The following NOMO1 variants were observed in gnomAD, a reference collection of about 807,000 sequenced individuals.
The protein encoded by NOMO1 is nodal modulator 3.
Under a neutral mutation model 133.8 loss-of-function variants are expected in NOMO1, and 40 were observed. The ratio of observed to expected loss-of-function variants is 0.30; its 90% CI spans 0.23 to 0.39. The LOEUF is 0.39. Ranked by LOEUF, NOMO1 falls within the 10% of genes least tolerant of loss-of-function variation. The probability of loss-of-function intolerance (pLI) is 1.00; values close to 1 mark genes in which losing one functional copy is unlikely to be tolerated. For synonymous variants in NOMO1, 236 were observed against 570.5 expected (o/e 0.41, Z 8.36); for missense variants, 462 against 1,419.9 (o/e 0.33, Z 10.84).
intron 20 of NOMO1, among the ~76,000 whole-genome samples, chr16:14,876,143 C>T (rs1964156858): frequency 9.9e-6 from 1 of 101,356 alleles, no homozygotes; most frequent in African/African-American, 3.0e-5. Flanking sequence ...TTTTGATTCT[C>T]TTGCTAAAGT....
intron 11 of NOMO1, among the ~76,000 whole-genome samples, chr16:14,860,558 G>A (rs961077292): frequency 2.4e-4 from 36 of 152,010 alleles, no homozygotes; most frequent in African/African-American, 8.5e-4. Flanking sequence ...GGGCCCAGGC[G>A]GCTGGCAGGC....
Position 14,876,482 on chromosome 16 carries a change from T to C in NOMO1, c.2480T>C (p.Leu827Pro), listed in dbSNP as rs763970273. 4 of 1,611,404 alleles carry C rather than the reference T, an allele frequency of 2.5e-6. No homozygotes were observed. The highest frequency in any genetic ancestry group is 3.4e-6 in the Non-Finnish European group (4 of 1,179,802). Residue 827 changes from leucine (L) to proline (P), a missense_variant, in exon 21 of 31, where the codon CTG becomes CCG. Leu to Pro is a moderately conservative substitution (Grantham distance 98). Coordinates refer to ENST00000287667, the MANE Select transcript of NOMO1 (RefSeq NM_014287.4). ...AGTGAAAAGGGGGCAAGTTCACCGC[T>C]GATCACAGTCTTTACTGATGACAAA... Reference protein sequence around the residue: ...VISEKGASSPLITVFTDDKGA... With the variant: ...VISEKGASSPPITVFTDDKGA...
At chr16:14,859,859 G>A (rs1315806532) in intron 11 of NOMO1, among the ~76,000 whole-genome samples, 2 of 152,070 alleles carry the variant, frequency 1.3e-5, no homozygotes, top group African/African-American at 4.8e-5. Flanking sequence ...AAGGCTCTCT[G>A]GGTTGCAGAG....
chr16:14,862,999 T>C lies in NOMO1; in HGVS notation c.1221-14T>C. On this transcript the variant is annotated splice_polypyrimidine_tract_variant and intron_variant, in intron 11 of 30. Transcript: ENST00000287667. ...TGAGTCCTCGTGCTGGAATGAATGG[T>C]CTTCTCTTTGCAGGTTCAGTGTCTG... is the stretch of plus-strand genomic sequence containing the variant. The C allele has an allele frequency of 6.2e-7, 1 of 1,609,998 alleles. No homozygotes were observed. The highest frequency in any genetic ancestry group is 1.1e-5 in the South Asian group (1 of 90,620).
intron 1 of NOMO1, among the ~76,000 whole-genome samples, chr16:14,837,320 T>G (rs907921314): frequency 6.6e-6 from 1 of 152,106 alleles, no homozygotes; most frequent in African/African-American, 2.4e-5. Flanking sequence ...CAAACTGATT[T>G]TTCTTTGAAT....
chr16:14,868,707 T>C, intron 16 of NOMO1, 72 bp downstream of exon 16: 1 of 956,356 alleles, frequency 1.0e-6, no homozygotes, highest in Admixed American at 1.9e-5. Context: ...TTTGAAGGCA[T>C]TTTTTTCTAC....
chr16:14,851,795 G>T (rs1229948816), intron 6 of NOMO1, among the ~76,000 whole-genome samples: 4 of 61,256 alleles, frequency 6.5e-5, no homozygotes, highest in African/African-American at 7.7e-5. Flanking sequence ...CTAATCTTCA[G>T]TTAACACTAT....
intron 11 of NOMO1, among the ~76,000 whole-genome samples, chr16:14,860,698 A>G (rs905461452): frequency 6.6e-6 from 1 of 151,948 alleles, no homozygotes; most frequent in African/African-American, 2.4e-5. Flanking sequence ...ACGGAGATGG[A>G]GGAAATATAT....
intron 3 of NOMO1, among the ~76,000 whole-genome samples, chr16:14,843,435 C>G (rs1963634874): frequency 6.6e-6 from 1 of 151,708 alleles, no homozygotes; most frequent in African/African-American, 2.4e-5. Flanking sequence ...TAGGTGTTTG[C>G]AAACATCCAA....
chr16:14,886,829 C>G lies in NOMO1; in HGVS notation c.3291C>G (p.Phe1097Leu), dbSNP rs142976404. The change falls in exon 28 of 31, where the codon TTC (phenylalanine) becomes TTG (leucine). Residue 1097 changes from phenylalanine to leucine, a missense_variant. Coordinates refer to ENST00000287667, the MANE Select transcript of NOMO1 (RefSeq NM_014287.4). Reference protein sequence around the residue: ...IQTVSLGQSLFFHFPPLLRDG... With the variant: ...IQTVSLGQSLLFHFPPLLRDG... ...CAGTTTCCCTTGGCCAGTCCCTGTT[C>G]TTCCATTTCCCCCCACTGCTCAGAG... 46 of 1,611,778 alleles carry G rather than the reference C, an allele frequency of 2.9e-5. No homozygotes were observed. In the African/African-American group the frequency reaches 5.6e-4, roughly 20 times the overall value.
At chr16:14,864,552 G>T (rs374042735) in intron 12 of NOMO1, 33 bp from the exon 13 acceptor site, 13 of 1,612,976 alleles carry the variant, frequency 8.1e-6, no homozygotes, top group Non-Finnish European at 1.1e-5. Context: ...CTCCCCGAAT[G>T]CAGCCTCTAA....
At chr16:14,850,775 G>A (rs909580210) in intron 6 of NOMO1, among the ~76,000 whole-genome samples, 29 of 151,796 alleles carry the variant, frequency 1.9e-4, no homozygotes, top group African/African-American at 6.1e-4. Context: ...CTCTTCTGCA[G>A]CAACATTTAA....
chr16:14,860,166 A>C (rs569340635), intron 11 of NOMO1, among the ~76,000 whole-genome samples: 12 of 152,032 alleles, frequency 7.9e-5, no homozygotes, highest in African/African-American at 2.7e-4. Flanking sequence ...TCAGGAGTTC[A>C]AGCCCAGCCT....
chr16:14,871,403 G>A lies in NOMO1; in HGVS notation c.1895-218G>A, dbSNP rs534731219. 9.9e-5 allele frequency among the ~76,000 whole-genome samples: 15 copies of A among 152,156 alleles called. No individual in the cohort carries two copies. The South Asian group carries it at 1.5e-3, about 15-fold the overall frequency. On this transcript the variant is annotated intron_variant, in intron 16 of 30. Transcript: ENST00000287667. ...ACCTTATGGAAAATGAAAATCATGC[G>A]CCTGTGATCGCGCCATTGCATGGAT...
chr16:14,853,728 C>G (rs1304066823), intron 8 of NOMO1, 124 bp downstream of exon 8: 1 of 949,684 alleles, frequency 1.1e-6, no homozygotes, highest in East Asian at 2.4e-5. Context: ...CGCTGTTAAG[C>G]AGTAACTTAC....
intron 29 of NOMO1, among the ~76,000 whole-genome samples, chr16:14,892,823 A>C (rs1964425812): frequency 6.7e-6 from 1 of 148,382 alleles, no homozygotes; most frequent in African/African-American, 2.5e-5. Context: ...CAGAACCAGG[A>C]CTCAAGTGAG....
chr16:14,842,931 A>C (rs1422913906), intron 3 of NOMO1, among the ~76,000 whole-genome samples: 4 of 150,652 alleles, frequency 2.7e-5, no homozygotes, highest in African/African-American at 4.9e-5. Context: ...ATTTTATTTT[A>C]TTTTTTCTTT....
intron 24 of NOMO1, among the ~76,000 whole-genome samples, chr16:14,880,469 G>T (rs1209324289): frequency 6.6e-6 from 1 of 151,822 alleles, no homozygotes; most frequent in Non-Finnish European, 1.5e-5. Flanking sequence ...TTGGCTCACT[G>T]CAACCTCTGC....
chr16:14,866,675 C>G lies in NOMO1; in HGVS notation c.1790C>G (p.Ser597Cys). ...GGCTACATGCTGAGATGTTCCCTGT[C>G]TCACGCCATCACTCTGGTATGTACG... ...QTGYMLRCSL[S>C]HAITLEFYQD... The change falls in exon 15 of 31, where the codon TCT becomes TGT. Residue 597 changes from serine to cysteine, a missense_variant. Ser to Cys is a moderately radical substitution (Grantham distance 112). Transcript: ENST00000287667. 2 of 1,610,134 alleles carry G rather than the reference C, an allele frequency of 1.2e-6. No homozygotes were observed. The highest frequency in any genetic ancestry group is 1.7e-6 in the Non-Finnish European group (2 of 1,179,732).
Sources: allele counts gnomAD v4.1 joint callset (sites outside exome capture counted in the v4.1 genomes callset), GRCh38; gene constraint gnomAD v4.1.1; transcripts MANE v1.5; gene names NCBI Gene and HGNC (gene_info 2026-07-23, HGNC 2026-07-21).